CCDC91: variants seen among roughly 807,000 people sequenced by gnomAD.
CCDC91 encodes coiled-coil domain-containing protein 91.
Under a neutral mutation model 63.2 loss-of-function variants are expected in CCDC91, and 48 were observed. The observed-to-expected ratio is 0.76, with a 90% confidence interval of 0.60 to 0.97. The LOEUF (loss-of-function observed/expected upper bound fraction) is 0.97. Among genes scored for constraint, CCDC91 ranks in the 50% least tolerant of loss-of-function variants. The pLI is 0.00. For missense variants in CCDC91, 500 were observed against 494.6 expected (o/e 1.01, Z -0.10); for synonymous variants, 167 against 165.8 (o/e 1.01, Z -0.06).
chr12:28,458,455 C>CTTTTTTTTTTTTTTTTTTTTT lies in CCDC91; in HGVS notation c.1101+5813_1101+5833dup, dbSNP rs60083355. Among the ~76,000 whole-genome samples the CTTTTTTTTTTTTTTTTTTTTT allele has an allele frequency of 1.3e-4, 6 of 45,806 alleles. 2 individuals carry two copies. The highest frequency in any genetic ancestry group is 5.5e-4 in the African/African-American group (5 of 9,074). 30.1% of individuals were successfully genotyped at this position (45,806 alleles called of 152,430 possible). ...TTCCCTTTTGTCCTCATTTGCACAC[C>CTTTTTTTTTTTTTTTTTTTTT]TTTTTTTTTTTTTTTTTTTTTTTTT... is the stretch of plus-strand genomic sequence containing the variant. On this transcript the variant is annotated intron_variant, in intron 11 of 12. Coordinates refer to ENST00000536442, the MANE Select transcript of CCDC91 (RefSeq NM_018318.5).
intron 3 of CCDC91, among the ~76,000 whole-genome samples, chr12:28,285,853 A>T (rs942216934): frequency 6.6e-6 from 1 of 151,770 alleles, no homozygotes; most frequent in Admixed American, 6.6e-5. Context: ...CTATGTTTTG[A>T]TCACCTATTT....
chr12:28,372,666 T>C (rs1944694945), intron 7 of CCDC91, among the ~76,000 whole-genome samples: 1 of 152,152 alleles, frequency 6.6e-6, no homozygotes, highest in Admixed American at 6.6e-5. Context: ...TACTGATGTG[T>C]GTACATTGAT....
intron 12 of CCDC91, among the ~76,000 whole-genome samples, chr12:28,519,816 G>A (rs1170232260): frequency 6.7e-6 from 1 of 148,162 alleles, no homozygotes; most frequent in African/African-American, 2.5e-5. Context: ...GAGAACATGT[G>A]GTGTTTGGTT....
At chr12:28,379,464 A>C (rs549642243) in intron 7 of CCDC91, among the ~76,000 whole-genome samples, 71 of 151,820 alleles carry the variant, frequency 4.7e-4, no homozygotes, top group East Asian at 2.5e-3. Flanking sequence ...AAAAAAAAAA[A>C]AAAAACCATA....
At chr12:28,538,853 G>A (rs1461942431) in intron 12 of CCDC91, among the ~76,000 whole-genome samples, 3 of 152,128 alleles carry the variant, frequency 2.0e-5, no homozygotes, top group Admixed American at 6.5e-5. Flanking sequence ...TTCTCTGATG[G>A]CCAGTGATGA....
At chr12:28,361,601 CCTAATT>C (rs1173476446) in intron 6 of CCDC91, among the ~76,000 whole-genome samples, 1 of 151,186 alleles carries the variant, frequency 6.6e-6, no homozygotes, top group African/African-American at 2.4e-5. Context: ...CTTTTGGTTT[CCTAATT>C]CTGTTTCCGG....
At chr12:28,381,600 A>T (rs2139085412) in intron 7 of CCDC91, among the ~76,000 whole-genome samples, 1 of 152,230 alleles carries the variant, frequency 6.6e-6, no homozygotes, top group Non-Finnish European at 1.5e-5. Context: ...AATCGGAGGC[A>T]AATTCCATTT....
At chr12:28,508,956 T>G (rs1394035383) in intron 12 of CCDC91, among the ~76,000 whole-genome samples, 1 of 151,976 alleles carries the variant, frequency 6.6e-6, no homozygotes, top group Non-Finnish European at 1.5e-5. Context: ...ATCTCCAAGG[T>G]GAAGTCTTAG....
intron 6 of CCDC91, among the ~76,000 whole-genome samples, chr12:28,336,333 A>G (rs1246675436): frequency 6.6e-6 from 1 of 152,154 alleles, no homozygotes; most frequent in Admixed American, 6.5e-5. Flanking sequence ...TAATTGGAAA[A>G]TTGGGACGTA....
rs1565759746 is a variant in CCDC91 at position 28,301,429 on chromosome 12, CATA to C, written c.110-4219_110-4217del. On this transcript the variant is annotated intron_variant, in intron 3 of 12. Coordinates refer to ENST00000536442, the MANE Select transcript of CCDC91 (RefSeq NM_018318.5). Reference sequence around the variant, plus strand: ...TGGAGTAAGTTCTATTGGTTCATTACATATCATTTTAATATGGTGCTGGATTCA... The same window carrying C: ...TGGAGTAAGTTCTATTGGTTCATTACTCATTTTAATATGGTGCTGGATTCA... 8.1e-4 allele frequency among the ~76,000 whole-genome samples: 123 copies of C among 151,534 alleles called. 2 individuals are homozygous for C. Among genetic ancestry groups the C allele is most frequent in the African/African-American group, 2.8e-3 (118 of 41,458 alleles).
At chr12:28,379,220 A>G (rs1945130697) in intron 7 of CCDC91, among the ~76,000 whole-genome samples, 1 of 152,088 alleles carries the variant, frequency 6.6e-6, no homozygotes, top group African/African-American at 2.4e-5. Context: ...CCTGGGAAAT[A>G]CCATTCAGGA....
intron 12 of CCDC91, among the ~76,000 whole-genome samples, chr12:28,535,698 C>G (rs1942096708): frequency 6.6e-6 from 1 of 151,966 alleles, no homozygotes; most frequent in South Asian, 2.1e-4. Flanking sequence ...TAACTTTTAC[C>G]AGATTTTATT....
chr12:28,536,870 T>C (rs1942218633), intron 12 of CCDC91, among the ~76,000 whole-genome samples: 1 of 152,172 alleles, frequency 6.6e-6, no homozygotes, highest in Non-Finnish European at 1.5e-5. Context: ...TAAAACAATA[T>C]GTACTGTTAA....
At chr12:28,539,697 G>C (rs1209131104) in intron 12 of CCDC91, among the ~76,000 whole-genome samples, 10 of 152,128 alleles carry the variant, frequency 6.6e-5, no homozygotes, top group Admixed American at 5.9e-4. Context: ...ACAAGAAGTA[G>C]GGATGTTAGG....
At chr12:28,261,730 G>A (rs191918571) in intron 3 of CCDC91, among the ~76,000 whole-genome samples, 46 of 151,946 alleles carry the variant, frequency 3.0e-4, no homozygotes, top group Non-Finnish European at 8.8e-5. Flanking sequence ...CTCTTCTCTA[G>A]GAGTGAATAT....
At chr12:28,462,574 T>C (rs1489241008) in intron 11 of CCDC91, among the ~76,000 whole-genome samples, 2 of 152,064 alleles carry the variant, frequency 1.3e-5, no homozygotes, top group Non-Finnish European at 2.9e-5. Flanking sequence ...TAATATGTAG[T>C]CTCTACTGTT....
chr12:28,354,820 G>A (rs1280104870), intron 6 of CCDC91, among the ~76,000 whole-genome samples: 2 of 151,958 alleles, frequency 1.3e-5, no homozygotes, highest in Non-Finnish European at 2.9e-5. Context: ...CTTATTGATC[G>A]GGACGTTTGT....
chr12:28,381,496 C>T (rs914752216), intron 7 of CCDC91, among the ~76,000 whole-genome samples: 1 of 152,030 alleles, frequency 6.6e-6, no homozygotes, highest in Admixed American at 6.6e-5. Flanking sequence ...TCAGTCTTCT[C>T]TTTTTCCTTT....
intron 8 of CCDC91, among the ~76,000 whole-genome samples, chr12:28,409,691 C>T (rs1323889165): frequency 6.6e-6 from 1 of 151,928 alleles, no homozygotes; most frequent in Non-Finnish European, 1.5e-5. Context: ...ATATATATGT[C>T]CTTCTAAGTA....
Sources: gnomAD v4.1 joint callset for allele counts (sites outside exome capture counted in the v4.1 genomes callset) on GRCh38, gnomAD v4.1.1 for gene constraint, MANE v1.5 for transcripts, NCBI Gene and HGNC (gene_info 2026-07-23, HGNC 2026-07-21) for gene names.